PDZD2: variants seen among roughly 807,000 people sequenced by gnomAD.
PDZD2 encodes PDZ domain-containing protein 2.
In PDZD2, 90 loss-of-function variants were observed where a neutral mutation model predicts 220.7. The observed-to-expected ratio is 0.41, with a 90% CI of 0.34 to 0.49. The LOEUF (loss-of-function observed/expected upper bound fraction) is 0.49, where lower values mean the gene tolerates loss of function less well. PDZD2 is among the 20% of genes least tolerant of loss of function. The pLI is 0.28. For missense variants in PDZD2, 3,174 were observed against 3,608.5 expected (o/e 0.88, Z 3.08); for synonymous variants, 1,375 against 1,450.5 (o/e 0.95, Z 1.18).
intron 2 of PDZD2, among the ~76,000 whole-genome samples, chr5:31,870,450 C>CT: frequency 6.6e-6 from 1 of 152,056 alleles, no homozygotes; most frequent in Admixed American, 6.6e-5. Flanking sequence ...GGTTTGGATG[C>CT]TTTAGAGGTC....
intron 2 of PDZD2, among the ~76,000 whole-genome samples, chr5:31,818,550 T>A (rs977250124): frequency 6.6e-6 from 1 of 152,144 alleles, no homozygotes; most frequent in Non-Finnish European, 1.5e-5. Context: ...GGAGTCAGTG[T>A]GTCCTGGCCA....
chr5:31,728,049 C>T (rs1013225454), intron 1 of PDZD2, among the ~76,000 whole-genome samples: 9 of 151,140 alleles, frequency 6.0e-5, no homozygotes, highest in Admixed American at 3.3e-4. Context: ...TCGCTGACCA[C>T]CTATGGGCAT....
At chr5:31,682,235 G>A (rs1184896172) in intron 1 of PDZD2, among the ~76,000 whole-genome samples, 1 of 152,152 alleles carries the variant, frequency 6.6e-6, no homozygotes, top group Non-Finnish European at 1.5e-5. Context: ...AGGGGCTTAG[G>A]CAGGGGTCAG....
chr5:31,866,198 C>T (rs148694423), intron 2 of PDZD2, among the ~76,000 whole-genome samples: 2 of 151,894 alleles, frequency 1.3e-5, no homozygotes, highest in African/African-American at 4.8e-5. Flanking sequence ...GGGGTTTTGC[C>T]ATGTTGTCCA....
intron 1 of PDZD2, among the ~76,000 whole-genome samples, chr5:31,764,601 C>T (rs1374141809): frequency 6.6e-6 from 1 of 152,184 alleles, no homozygotes; most frequent in Non-Finnish European, 1.5e-5. Context: ...TCTAGGAATT[C>T]TCTCCTCCCT....
rs1190420252 is a variant in PDZD2, at chr5:32,059,321, T to G, written c.2283T>G (p.Ala761=). Residue 761 remains alanine (A), a synonymous_variant, in exon 13 of 25, where the codon GCT becomes GCG. Coordinates refer to ENST00000438447, the MANE Select transcript of PDZD2 (RefSeq NM_178140.4). ...CTGGCATCTACATTCACAGCCTTGC[T>G]CCAGGATCAGTGGCCAAGATGGAGA... ...SPPGIYIHSL[A]PGSVAKMESN... 6.2e-7 allele frequency: 1 copy of G among 1,612,782 alleles called. No homozygotes were observed. The highest frequency in any genetic ancestry group is 1.1e-5 in the South Asian group (1 of 91,046).
intron 1 of PDZD2, among the ~76,000 whole-genome samples, chr5:31,774,285 T>G: frequency 6.7e-6 from 1 of 150,336 alleles, no homozygotes; most frequent in African/African-American, 2.5e-5. Context: ...AGGGCAGGAG[T>G]AGATAAAAGA....
chr5:31,749,856 G>A lies in PDZD2; in HGVS notation c.-360-49033G>A, dbSNP rs547241211. 7.9e-5 allele frequency among the ~76,000 whole-genome samples: 12 copies of A among 152,266 alleles called. 1 individual carries two copies. The East Asian group carries it at 1.2e-3, about 15-fold the overall frequency. ...CCACTCCTTCCCCCAGGTGAGCCGC[G>A]CGTGGCTTCCCCTTCCCGGTGAGGC... On this transcript the variant is annotated intron_variant, in intron 1 of 24. Transcript: ENST00000438447.
chr5:31,730,554 T>TTGTGTGTG (rs35119904), intron 1 of PDZD2, among the ~76,000 whole-genome samples: 9 of 140,510 alleles, frequency 6.4e-5, no homozygotes, highest in African/African-American at 1.9e-4. Flanking sequence ...CACCAGGAGT[T>TTGTGTGTG]TGTGTGTGTG....
chr5:32,034,381 CAG>C (rs932472031), intron 6 of PDZD2, among the ~76,000 whole-genome samples: 6 of 138,706 alleles, frequency 4.3e-5, no homozygotes, highest in Non-Finnish European at 9.2e-5. Context: ...TTTTTTGACA[CAG>C]AGTCTCGCTC....
At chr5:31,995,746 C>T (rs1751575461) in intron 4 of PDZD2, 28 bp downstream of exon 4, 2 of 1,601,158 alleles carry the variant, frequency 1.2e-6, no homozygotes, top group Non-Finnish European at 8.5e-7. Context: ...CCCTCTCCCC[C>T]ATCCCTCTGC....
In PDZD2 at chr5:31,763,490, A is replaced by T. The variant is rs187997789; in HGVS notation, c.-360-35399A>T. On this transcript the variant is annotated intron_variant, in intron 1 of 24. Transcript: ENST00000438447. ...GACAGAATGATGTTTACGAGCCACA[A>T]TGGAAGGAAGGAACCACTTTGGCAA... Among the ~76,000 whole-genome samples, 484 of 152,280 alleles carry T rather than the reference A, an allele frequency of 3.2e-3. 3 individuals are homozygous for T. The highest frequency in any genetic ancestry group is 4.9e-3 in the Non-Finnish European group (333 of 68,024).
intron 7 of PDZD2, among the ~76,000 whole-genome samples, chr5:32,043,117 C>T (rs908654683): frequency 1.3e-5 from 2 of 152,166 alleles, no homozygotes; most frequent in African/African-American, 4.8e-5. Flanking sequence ...TTCTGTTCTC[C>T]GATCTGGGGC....
intron 2 of PDZD2, among the ~76,000 whole-genome samples, chr5:31,953,486 T>C (rs546303793): frequency 1.3e-5 from 2 of 152,016 alleles, no homozygotes; most frequent in African/African-American, 2.4e-5. Context: ...AAGGAAAAGA[T>C]AAACTAAACC....
intron 1 of PDZD2, among the ~76,000 whole-genome samples, chr5:31,701,827 G>A (rs780955677): frequency 8.5e-5 from 13 of 152,202 alleles, no homozygotes; most frequent in African/African-American, 3.1e-4. Flanking sequence ...TTTCCAGTCC[G>A]TAAGTTAATT....
chr5:31,763,020 GTTAA>G (rs1284144693), intron 1 of PDZD2, among the ~76,000 whole-genome samples: 2 of 152,218 alleles, frequency 1.3e-5, no homozygotes, highest in African/African-American at 4.8e-5. Context: ...CAGTAGAGTG[GTTAA>G]TTAAGAATGT....
At chr5:31,982,420 A>G (rs958236762) in intron 2 of PDZD2, among the ~76,000 whole-genome samples, 1 of 151,964 alleles carries the variant, frequency 6.6e-6, no homozygotes, top group African/African-American at 2.4e-5. Context: ...TGATCCTCCC[A>G]CCTCAGCCTC....
chr5:32,038,653 T>C (rs535923531), intron 7 of PDZD2, among the ~76,000 whole-genome samples: 4 of 152,366 alleles, frequency 2.6e-5, no homozygotes, highest in Admixed American at 2.6e-4. Context: ...GAAACACTTT[T>C]ATGGGTCCCT....
chr5:32,068,299 A>G (rs1456742289), intron 14 of PDZD2, among the ~76,000 whole-genome samples: 5 of 152,214 alleles, frequency 3.3e-5, no homozygotes, highest in Admixed American at 6.5e-5. Flanking sequence ...GACTAAAGAC[A>G]TACAACAACT....
Sources: gnomAD v4.1 joint callset for allele counts (sites outside exome capture counted in the v4.1 genomes callset) on GRCh38, gnomAD v4.1.1 for gene constraint, MANE v1.5 for transcripts, NCBI Gene and HGNC (gene_info 2026-07-23, HGNC 2026-07-21) for gene names.